The following SERPINI1 variants were observed in gnomAD, a reference collection of about 807,000 sequenced individuals.
SERPINI1 encodes the protein neuroserpin.
Under a neutral mutation model 41.1 loss-of-function variants are expected in SERPINI1, and 19 were observed. The ratio of observed to expected loss-of-function variants is 0.46; its 90% CI spans 0.32 to 0.68. The LOEUF is 0.68. Ranked by LOEUF, SERPINI1 falls within the 30% of genes least tolerant of loss-of-function variation. The pLI is 0.03. For synonymous variants in SERPINI1, 138 were observed against 156.6 expected (o/e 0.88, Z 0.89); for missense variants, 460 against 479.2 (o/e 0.96, Z 0.37).
chr3:167,780,027 T>C (rs1727070738), intron 1 of SERPINI1, among the ~76,000 whole-genome samples: 1 of 152,150 alleles, frequency 6.6e-6, no homozygotes. Context: ...GGCATCTCAG[T>C]TTAGTAATGG....
intron 6 of SERPINI1, among the ~76,000 whole-genome samples, chr3:167,810,593 T>C (rs1417977855): frequency 6.8e-6 from 1 of 147,398 alleles, no homozygotes; most frequent in African/African-American, 2.6e-5. Context: ...GAGCCATCAG[T>C]GAGTCATAAG....
At chr3:167,751,331 T>G (rs1310109440) in intron 1 of SERPINI1, among the ~76,000 whole-genome samples, 1 of 152,214 alleles carries the variant, frequency 6.6e-6, no homozygotes, top group Non-Finnish European at 1.5e-5. Flanking sequence ...TTGGTAAATT[T>G]AAAATATGCT....
intron 5 of SERPINI1, among the ~76,000 whole-genome samples, chr3:167,805,111 A>G (rs1459162959): frequency 6.6e-6 from 1 of 152,162 alleles, no homozygotes; most frequent in Non-Finnish European, 1.5e-5. Flanking sequence ...ATAAAGACCC[A>G]TGATTCTTTT....
chr3:167,752,734 A>G (rs1185363522), intron 1 of SERPINI1, among the ~76,000 whole-genome samples: 1 of 152,004 alleles, frequency 6.6e-6, no homozygotes, highest in Non-Finnish European at 1.5e-5. Flanking sequence ...CTACCTCATA[A>G]GCCAGCCTCT....
At chr3:167,780,310 A>G (rs374210818) in intron 1 of SERPINI1, among the ~76,000 whole-genome samples, 2 of 152,112 alleles carry the variant, frequency 1.3e-5, no homozygotes, top group Admixed American at 1.3e-4. Context: ...TACATAATCC[A>G]CCCTATACTC....
At chr3:167,801,694 A>C (rs1031938895) in intron 5 of SERPINI1, among the ~76,000 whole-genome samples, 6 of 152,136 alleles carry the variant, frequency 3.9e-5, no homozygotes, top group African/African-American at 1.2e-4. Flanking sequence ...ATAGTGCCTG[A>C]AACATAGTAA....
chr3:167,806,603 T>C (rs915328967), intron 5 of SERPINI1, among the ~76,000 whole-genome samples: 1 of 152,212 alleles, frequency 6.6e-6, no homozygotes, highest in African/African-American at 2.4e-5. Context: ...GTTTATGTTT[T>C]AGAGATCACT....
chr3:167,757,041 G>T (rs1726214179), intron 1 of SERPINI1, among the ~76,000 whole-genome samples: 1 of 152,148 alleles, frequency 6.6e-6, no homozygotes, highest in Non-Finnish European at 1.5e-5. Context: ...AGAGAAAAGT[G>T]CATCTATTAC....
rs183243692 is a variant in SERPINI1 at position 167,783,622 on chromosome 3, A to G, written c.-18-5489A>G. On this transcript the variant is annotated intron_variant, in intron 1 of 8. Transcript: ENST00000446050. The stretch of plus-strand genomic sequence containing the variant: ...CAGGACTAGATCTGTGGAGAATATC[A>G]ACACTTAAAATGTAGAACAAGGAAA... 1.2e-3 allele frequency among the ~76,000 whole-genome samples: 182 copies of G among 152,278 alleles called. 2 individuals carry two copies. Among genetic ancestry groups the G allele is most frequent in the African/African-American group, 4.2e-3 (176 of 41,558 alleles).
At chr3:167,802,427 C>G (rs1445289782) in intron 5 of SERPINI1, among the ~76,000 whole-genome samples, 1 of 149,904 alleles carries the variant, frequency 6.7e-6, no homozygotes, top group East Asian at 2.0e-4. Flanking sequence ...AACAAATTTA[C>G]AAGAAAAAAA....
intron 6 of SERPINI1, among the ~76,000 whole-genome samples, chr3:167,812,757 C>T (rs946868168): frequency 2.6e-5 from 4 of 152,094 alleles, no homozygotes; most frequent in African/African-American, 9.7e-5. Flanking sequence ...ATTTGATATC[C>T]ATTGCTTTTG....
chr3:167,785,880 A>G (rs534051348), intron 1 of SERPINI1, among the ~76,000 whole-genome samples: 69 of 152,372 alleles, frequency 4.5e-4, no homozygotes, highest in Non-Finnish European at 4.0e-4. Context: ...TACAAGTATC[A>G]TACAGTAAAT....
At chr3:167,744,691 C>CAT (rs754643341) in intron 1 of SERPINI1, among the ~76,000 whole-genome samples, 63,439 of 123,772 alleles carry the variant, frequency 0.51, 16,893 homozygotes, top group African/African-American at 0.69. Flanking sequence ...TATATATAAA[C>CAT]ATATATAAAT....
At chr3:167,751,169 G>GA (rs547083993) in intron 1 of SERPINI1, among the ~76,000 whole-genome samples, 1 of 151,602 alleles carries the variant, frequency 6.6e-6, no homozygotes, top group Non-Finnish European at 1.5e-5. Context: ...ATTATGTTAG[G>GA]AAAAAAAAGA....
At position 167,784,046 on chromosome 3, in the gene SERPINI1, A is replaced by G. The variant is rs114968196; in HGVS notation, c.-18-5065A>G. On this transcript the variant is annotated intron_variant, in intron 1 of 8. Transcript: ENST00000446050. ...TAATGGGAGCTCTTTCCAGGAGTCC[A>G]GAAGCCCAAAGATACATCTGTGGTT... Among the ~76,000 whole-genome samples, 534 of 152,298 alleles carry G rather than the reference A, an allele frequency of 3.5e-3. 2 individuals carry two copies. Among genetic ancestry groups the G allele is most frequent in the Non-Finnish European group, 4.9e-3 (335 of 68,012 alleles).
intron 5 of SERPINI1, chr3:167,800,178 A>G (rs1245927630): frequency 6.6e-6 from 1 of 152,188 alleles, no homozygotes; most frequent in Non-Finnish European, 1.5e-5. Context: ...ATTTATATAC[A>G]TAGTTGTACA....
chr3:167,821,089 T>C (rs895428008), intron 6 of SERPINI1, among the ~76,000 whole-genome samples: 2 of 152,142 alleles, frequency 1.3e-5, no homozygotes, highest in Non-Finnish European at 2.9e-5. Context: ...TTCTCTGAGC[T>C]GTTCTGTCAC....
At chr3:167,805,597 G>C (rs566996170) in intron 5 of SERPINI1, among the ~76,000 whole-genome samples, 1 of 152,284 alleles carries the variant, frequency 6.6e-6, no homozygotes, top group East Asian at 1.9e-4. Flanking sequence ...TGATGTTTTA[G>C]ATATGAAGTC....
chr3:167,758,354 A>G (rs182957644), intron 1 of SERPINI1, among the ~76,000 whole-genome samples: 3 of 152,380 alleles, frequency 2.0e-5, no homozygotes, highest in East Asian at 1.9e-4. Context: ...GCAATGTATT[A>G]TAGCCCGTAG....
Sources: allele counts gnomAD v4.1 joint callset (sites outside exome capture counted in the v4.1 genomes callset), GRCh38; gene constraint gnomAD v4.1.1; transcripts MANE v1.5; gene names NCBI Gene and HGNC (gene_info 2026-07-23, HGNC 2026-07-21).